Variants in STPG2 observed in about 807,000 individuals in gnomAD.
STPG2 encodes sperm-tail PG-rich repeat-containing protein 2.
A neutral mutation model predicts 54.2 loss-of-function variants in STPG2; 56 were observed. The observed-to-expected ratio is 1.03, with a 90% confidence interval of 0.83 to 1.29. The LOEUF is 1.29. Ranked by LOEUF, STPG2 falls within the 50% of genes most tolerant of loss-of-function variation. STPG2 has a pLI of 0.00. For synonymous variants in STPG2, 200 were observed against 181.8 expected (o/e 1.10, Z -0.81); for missense variants, 596 against 544.9 (o/e 1.09, Z -0.93).
rs1395638762 is a variant in STPG2 at position 97,772,492 on chromosome 4, C to T, written c.1205-59678G>A. 5.3e-5 allele frequency among the ~76,000 whole-genome samples: 8 copies of T among 152,130 alleles called. No individual in the cohort carries two copies. In the East Asian group the frequency reaches 9.7e-4, roughly 18 times the overall value. On this transcript the variant is annotated intron_variant, in intron 9 of 10. Coordinates refer to ENST00000295268, the MANE Select transcript of STPG2 (RefSeq NM_174952.3). ...GCAGATAACTTTAGGAAGAATAAAT[C>T]CTTTTTTAACAATAAAGGCTTATCA...
At chr4:98,006,893 C>T (rs961096154) in intron 5 of STPG2, among the ~76,000 whole-genome samples, 2 of 152,136 alleles carry the variant, frequency 1.3e-5, no homozygotes, top group African/African-American at 4.8e-5. Context: ...TTTGGGCCAT[C>T]CTTCCCTTCC....
At chr4:97,570,667 T>C (rs746195999) in intron 10 of STPG2, among the ~76,000 whole-genome samples, 28 of 152,178 alleles carry the variant, frequency 1.8e-4, no homozygotes, top group Middle Eastern at 3.4e-3. Context: ...TACAGAGGAA[T>C]CTACATTAAC....
chr4:97,879,778 T>C (rs545939104), intron 8 of STPG2, among the ~76,000 whole-genome samples: 7 of 152,250 alleles, frequency 4.6e-5, no homozygotes, highest in African/African-American at 1.4e-4. Flanking sequence ...TCACACCTGT[T>C]AGAATGGTAA....
chr4:97,470,168 C>T (rs1158638954), intron 4 of STPG2, among the ~76,000 whole-genome samples: 2 of 151,918 alleles, frequency 1.3e-5, no homozygotes, highest in Non-Finnish European at 2.9e-5. Context: ...AGCCTTCTCC[C>T]TCAGGAGAGA....
At chr4:97,801,648 A>G (rs763862608) in intron 9 of STPG2, among the ~76,000 whole-genome samples, 2 of 152,156 alleles carry the variant, frequency 1.3e-5, no homozygotes, top group African/African-American at 2.4e-5. Context: ...CCTTTAAAAA[A>G]TGTCTCTTTT....
intron 9 of STPG2, among the ~76,000 whole-genome samples, chr4:97,729,063 T>TTCTCTCTCTCTCTCTC (rs57186071): frequency 0.12 from 14,613 of 124,338 alleles, 1,460 homozygotes; most frequent in Middle Eastern, 0.15. Flanking sequence ...CCCCAAGAAT[T>TTCTCTCTCTCTCTCTC]TCTCTCTCTC....
chr4:97,444,937 T>A (rs912980040), intron 4 of STPG2, among the ~76,000 whole-genome samples: 1 of 152,108 alleles, frequency 6.6e-6, no homozygotes, highest in African/African-American at 2.4e-5. Context: ...CTCAGGAGGC[T>A]GAGGCAAGAG....
intron 9 of STPG2, among the ~76,000 whole-genome samples, chr4:97,722,777 C>T (rs967890223): frequency 1.3e-5 from 2 of 149,254 alleles, no homozygotes; most frequent in African/African-American, 2.5e-5. Context: ...TTTCTTTAGT[C>T]CATATTTGAG....
chr4:98,074,405 G>A (rs1487980412), intron 5 of STPG2, among the ~76,000 whole-genome samples: 1 of 151,940 alleles, frequency 6.6e-6, no homozygotes, highest in Non-Finnish European at 1.5e-5. Context: ...GCCTTCATGG[G>A]GTTTATTTTG....
chr4:97,967,139 G>A (rs961104946), intron 7 of STPG2, among the ~76,000 whole-genome samples: 1 of 142,642 alleles, frequency 7.0e-6, no homozygotes, highest in African/African-American at 2.6e-5. Flanking sequence ...ACACACACAG[G>A]CTCAAAATAA....
chr4:98,096,984 T>C (rs1180022638), intron 5 of STPG2, among the ~76,000 whole-genome samples: 2 of 152,078 alleles, frequency 1.3e-5, no homozygotes, highest in Non-Finnish European at 2.9e-5. Context: ...TAATAAAAAG[T>C]ATCTCAGTAA....
At chr4:97,609,145 T>G (rs1318556328) in intron 10 of STPG2, among the ~76,000 whole-genome samples, 2 of 152,040 alleles carry the variant, frequency 1.3e-5, no homozygotes, top group Admixed American at 6.6e-5. Flanking sequence ...CTTACAGAAC[T>G]TTTTGAGTTT....
chr4:97,771,898 T>C lies in STPG2; in HGVS notation c.1205-59084A>G, dbSNP rs536467859. Among the ~76,000 whole-genome samples, 8 of 152,250 alleles carry C rather than the reference T, an allele frequency of 5.3e-5. No homozygotes were observed. The East Asian group carries it at 9.7e-4, about 18-fold the overall frequency. On this transcript the variant is annotated intron_variant, in intron 9 of 10. Coordinates refer to ENST00000295268, the MANE Select transcript of STPG2 (RefSeq NM_174952.3). ...AGGCTTGATCTTGTGGTGGTCTATA[T>C]TGAAAGGGCAGCAGGAAACTAATCA... is the stretch of plus-strand genomic sequence containing the variant.
intron 8 of STPG2, among the ~76,000 whole-genome samples, chr4:97,931,402 G>C (rs1025489338): frequency 6.6e-6 from 1 of 152,132 alleles, no homozygotes; most frequent in Non-Finnish European, 1.5e-5. Context: ...CAGGCATGTT[G>C]AATTTTATCA....
At chr4:97,903,751 A>G (rs1731272920) in intron 8 of STPG2, among the ~76,000 whole-genome samples, 1 of 152,212 alleles carries the variant, frequency 6.6e-6, no homozygotes, top group South Asian at 2.1e-4. Flanking sequence ...CAAACTGTGC[A>G]GGAGCCGAAG....
chr4:97,939,446 T>A (rs1732892597), intron 8 of STPG2, among the ~76,000 whole-genome samples: 1 of 152,240 alleles, frequency 6.6e-6, no homozygotes, highest in African/African-American at 2.4e-5. Flanking sequence ...TGTCTCTTTG[T>A]AGGTCTCTAA....
intron 5 of STPG2, among the ~76,000 whole-genome samples, chr4:98,100,452 G>A (rs985585819): frequency 1.3e-4 from 20 of 151,996 alleles, no homozygotes; most frequent in Admixed American, 6.6e-5. Context: ...CTGAAATCTT[G>A]AGAAACAAGA....
chr4:98,036,481 A>G (rs975747339), intron 5 of STPG2, among the ~76,000 whole-genome samples: 5 of 152,156 alleles, frequency 3.3e-5, no homozygotes, highest in Non-Finnish European at 5.9e-5. Flanking sequence ...CAGCAATAAA[A>G]AAGAACAAGA....
At chr4:97,566,536 G>A (rs1480040004) in intron 10 of STPG2, among the ~76,000 whole-genome samples, 10 of 152,140 alleles carry the variant, frequency 6.6e-5, no homozygotes, top group African/African-American at 1.4e-4. Flanking sequence ...CGTCGCTCAC[G>A]CTGGGAGCTG....
Sources: gnomAD v4.1 joint callset for allele counts (sites outside exome capture counted in the v4.1 genomes callset) on GRCh38, gnomAD v4.1.1 for gene constraint, MANE v1.5 for transcripts, NCBI Gene and HGNC (gene_info 2026-07-23, HGNC 2026-07-21) for gene names.